The following EMC7 variants were observed in gnomAD, a reference collection of about 807,000 sequenced individuals.
EMC7 encodes endoplasmic reticulum membrane protein complex subunit 7.
In EMC7, 4 loss-of-function variants were observed where a neutral mutation model predicts 24.4. The ratio of observed to expected loss-of-function variants is 0.16; its 90% confidence interval spans 0.08 to 0.38. The LOEUF is 0.38. EMC7 is among the 10% of genes least tolerant of loss of function. EMC7 has a pLI of 1.00. For missense variants in EMC7, 221 were observed against 300.6 expected (o/e 0.74, Z 1.96); for synonymous variants, 106 against 112.0 (o/e 0.95, Z 0.34).
Position 34,099,011 on chromosome 15 carries a change from A to G in EMC7, c.236+2593T>C, listed in dbSNP as rs575398483. Among the ~76,000 whole-genome samples, 680 of 152,268 alleles carry G rather than the reference A, an allele frequency of 4.5e-3. 5 individuals are homozygous for G. Among genetic ancestry groups the G allele is most frequent in the South Asian group, 0.018 (89 of 4,830 alleles). Reference sequence around the variant, plus strand: ...TCCTGATTTGAAAGAACAATTATATAAAAAATATTTTTGAGAAAACTGAGG... The same window carrying G: ...TCCTGATTTGAAAGAACAATTATATGAAAAATATTTTTGAGAAAACTGAGG... On this transcript the variant is annotated intron_variant, in intron 1 of 4. Transcript: ENST00000256545.
At chr15:34,097,079 G>C (rs1901085168) in intron 1 of EMC7, among the ~76,000 whole-genome samples, 1 of 111,804 alleles carries the variant, frequency 8.9e-6, no homozygotes, top group Non-Finnish European at 1.7e-5. Flanking sequence ...TGTTGCCCAG[G>C]CTGGAGTGCA....
intron 1 of EMC7, among the ~76,000 whole-genome samples, chr15:34,099,199 GA>G (rs1351190309): frequency 6.6e-6 from 1 of 151,764 alleles, no homozygotes; most frequent in Non-Finnish European, 1.5e-5. Context: ...AAATATTTCA[GA>G]AAAAAATTAA....
At chr15:34,090,270 A>C (rs1900956695) in intron 3 of EMC7, 47 bp downstream of exon 3, 1 of 1,568,056 alleles carries the variant, frequency 6.4e-7, no homozygotes, top group Non-Finnish European at 8.6e-7. Flanking sequence ...ACTGCCTAGA[A>C]GCAAATTAGG....
intron 4 of EMC7, 37 bp downstream of exon 4, chr15:34,088,016 A>T: frequency 6.4e-5 from 13 of 203,748 alleles, no homozygotes; most frequent in Non-Finnish European, 1.0e-4. Context: ...TCTATCTCTT[A>T]AAAAAAAAAA....
chr15:34,084,190 T>A lies in EMC7; in HGVS notation c.*144A>T. 1 of 1,010,364 alleles carries A rather than the reference T, an allele frequency of 9.9e-7. No individual in the cohort carries two copies. The allele number at this position is 1,010,364 out of a possible 1,614,324, so 62.6% of individuals were successfully genotyped here. ...TCTCGTGTACCAAGTACAAAACATG[T>A]GCTAAAAAGTTAACATACACAGTTG... On this transcript the variant is annotated 3_prime_UTR_variant, in exon 5 of 5. Transcript: ENST00000256545.
intron 4 of EMC7, among the ~76,000 whole-genome samples, chr15:34,085,104 T>C (rs979009259): frequency 5.3e-5 from 8 of 152,216 alleles, no homozygotes; most frequent in African/African-American, 1.9e-4. Context: ...ACCAGAATAT[T>C]AATTTTTAAC....
At chr15:34,087,030 C>A (rs533826152) in intron 4 of EMC7, among the ~76,000 whole-genome samples, 7 of 152,144 alleles carry the variant, frequency 4.6e-5, no homozygotes, top group African/African-American at 1.7e-4. Flanking sequence ...AGACAAATTT[C>A]TATTAAGAAA....
chr15:34,089,723 G>A (rs570231278), intron 3 of EMC7, among the ~76,000 whole-genome samples: 3 of 152,320 alleles, frequency 2.0e-5, no homozygotes, highest in East Asian at 1.9e-4. Context: ...TTAGGAGGCC[G>A]AGGCGGGCAG....
chr15:34,086,842 T>C (rs1190483491), intron 4 of EMC7, among the ~76,000 whole-genome samples: 1 of 152,270 alleles, frequency 6.6e-6, no homozygotes, highest in Non-Finnish European at 1.5e-5. Flanking sequence ...AGTCTAACAC[T>C]GAAGCAAAAA....
At chr15:34,085,191 A>C (rs1045038851) in intron 4 of EMC7, among the ~76,000 whole-genome samples, 2 of 152,164 alleles carry the variant, frequency 1.3e-5, no homozygotes, top group African/African-American at 4.8e-5. Context: ...CTCAGTAGTA[A>C]ATCTATGAAT....
chr15:34,094,412 G>A (rs550313720), intron 2 of EMC7, among the ~76,000 whole-genome samples: 4 of 152,088 alleles, frequency 2.6e-5, no homozygotes, highest in Non-Finnish European at 5.9e-5. Flanking sequence ...GTAGGTGCCT[G>A]TAGTCCCAGC....
At chr15:34,086,029 G>C (rs768751462) in intron 4 of EMC7, 1 of 295,182 alleles carries the variant, frequency 3.4e-6, no homozygotes, top group Admixed American at 3.8e-5. Flanking sequence ...ATCTCAGCAC[G>C]GTAACATTTG....
intron 3 of EMC7, among the ~76,000 whole-genome samples, chr15:34,089,816 C>T (rs1365769220): frequency 2.0e-5 from 3 of 152,082 alleles, no homozygotes; most frequent in African/African-American, 4.8e-5. Flanking sequence ...ATTAGCCGGG[C>T]GTGGTGGCAC....
chr15:34,088,707 A>G (rs1800227623), intron 3 of EMC7, among the ~76,000 whole-genome samples: 1 of 152,060 alleles, frequency 6.6e-6, no homozygotes, highest in Admixed American at 6.6e-5. Context: ...TCTTCCATCC[A>G]GTCTCCCCCC....
At chr15:34,093,823 A>ATATATATAT (rs1190830993) in intron 2 of EMC7, among the ~76,000 whole-genome samples, 48 of 48,706 alleles carry the variant, frequency 9.9e-4, no homozygotes, top group Middle Eastern at 0.012. Flanking sequence ...ATATATATAT[A>ATATATATAT]TTTTTTTTTT....
intron 4 of EMC7, chr15:34,086,339 C>A (rs1900885837): frequency 4.4e-6 from 1 of 225,584 alleles, no homozygotes; most frequent in Non-Finnish European, 9.1e-6. Context: ...GATGGTGCCA[C>A]CTCTGCAGGC....
chr15:34,090,728 C>T (rs1486250577), intron 2 of EMC7, among the ~76,000 whole-genome samples: 1 of 152,172 alleles, frequency 6.6e-6, no homozygotes, highest in Non-Finnish European at 1.5e-5. Context: ...TAAATCAGTT[C>T]CCTAACTTCT....
chr15:34,097,312 C>A (rs1318752294), intron 1 of EMC7, among the ~76,000 whole-genome samples: 1 of 152,122 alleles, frequency 6.6e-6, no homozygotes, highest in Non-Finnish European at 1.5e-5. Context: ...GGATTACAGG[C>A]GTGAGCCACT....
At chr15:34,086,048 C>A (rs1900881445) in intron 4 of EMC7, 2 of 313,046 alleles carry the variant, frequency 6.4e-6, no homozygotes, top group Admixed American at 3.7e-5. Flanking sequence ...TGTTGCAGAT[C>A]AGCAGTACTT....
Sources: allele counts gnomAD v4.1 joint callset (sites outside exome capture counted in the v4.1 genomes callset), GRCh38; gene constraint gnomAD v4.1.1; transcripts MANE v1.5; gene names NCBI Gene and HGNC (gene_info 2026-07-23, HGNC 2026-07-21).